Variants in MYT1L observed in about 807,000 individuals in gnomAD.
The protein encoded by MYT1L is myelin transcription factor 1-like protein.
MYT1L carries 12 observed loss-of-function variants against 126.7 expected under a neutral mutation model. That is an observed-to-expected ratio of 0.09 (90% confidence interval 0.06 to 0.15). The LOEUF (loss-of-function observed/expected upper bound fraction) is 0.15. Ranked by LOEUF, MYT1L falls within the 10% of genes least tolerant of loss-of-function variation. The probability of loss-of-function intolerance (pLI) is 1.00; values close to 1 mark genes in which losing one functional copy is unlikely to be tolerated. For synonymous variants in MYT1L, 541 were observed against 604.2 expected (o/e 0.90, Z 1.53); for missense variants, 979 against 1,585.2 (o/e 0.62, Z 6.49).
chr2:2,151,458 C>T (rs143010959), intron 3 of MYT1L, among the ~76,000 whole-genome samples: 20 of 151,888 alleles, frequency 1.3e-4, no homozygotes, highest in African/African-American at 4.3e-4. Context: ...TGTTCACAGA[C>T]GTTAGGGGCC....
chr2:1,810,130 T>G (rs1314958132), intron 21 of MYT1L: 4 of 13,910 alleles, frequency 2.9e-4, no homozygotes, highest in Non-Finnish European at 5.1e-4. Context: ...TATATAACGC[T>G]TTTTTTTTTT....
intron 3 of MYT1L, among the ~76,000 whole-genome samples, chr2:2,150,340 A>AT (rs1389642680): frequency 6.6e-6 from 1 of 152,190 alleles, no homozygotes; most frequent in Non-Finnish European, 1.5e-5. Flanking sequence ...TTTCATCTTG[A>AT]TTTTTTGAGA....
chr2:2,313,534 A>C (rs562926061), intron 1 of MYT1L, among the ~76,000 whole-genome samples: 2 of 152,132 alleles, frequency 1.3e-5, no homozygotes, highest in East Asian at 3.9e-4. Flanking sequence ...TTTTAATGGA[A>C]ATGGTATAAG....
At chr2:1,966,852 T>C (rs532471762) in intron 8 of MYT1L, among the ~76,000 whole-genome samples, 10 of 151,938 alleles carry the variant, frequency 6.6e-5, no homozygotes, top group African/African-American at 2.4e-4. Flanking sequence ...AGAGCAAAAC[T>C]GTCTTAAAAA....
At chr2:1,992,641 C>T (rs546568978) in intron 5 of MYT1L, among the ~76,000 whole-genome samples, 1 of 152,346 alleles carries the variant, frequency 6.6e-6, no homozygotes, top group East Asian at 1.9e-4. Flanking sequence ...CTCCATCTTG[C>T]TTTTAACATC....
chr2:2,059,576 C>T lies in MYT1L; in HGVS notation c.-303-5453G>A, dbSNP rs746411512. Reference sequence around the variant, plus strand: ...CACAGTCCCTGCCAAAGGCCTTGCACCAAAGCACAAACGGACGCAGGACTG... The same window carrying T: ...CACAGTCCCTGCCAAAGGCCTTGCATCAAAGCACAAACGGACGCAGGACTG... On this transcript the variant is annotated intron_variant, in intron 3 of 24. Transcript: ENST00000647738. This position sits in a 1 kb window ranked among gnomAD's most constrained non-coding sequence, Gnocchi z 4.7. Among the ~76,000 whole-genome samples the T allele has an allele frequency of 1.5e-4, 23 of 152,168 alleles. No individual in the cohort carries two copies. Among genetic ancestry groups the T allele is most frequent in the Non-Finnish European group, 3.1e-4 (21 of 68,032 alleles).
chr2:2,210,350 GC>G (rs1256232060), intron 2 of MYT1L, among the ~76,000 whole-genome samples: 12 of 152,114 alleles, frequency 7.9e-5, no homozygotes, highest in African/African-American at 2.9e-4. Flanking sequence ...TTTCCCCAAT[GC>G]TTTCTTGTAG....
chr2:1,923,843 A>T (rs2053882934), intron 9 of MYT1L, among the ~76,000 whole-genome samples: 1 of 152,260 alleles, frequency 6.6e-6, no homozygotes, highest in Admixed American at 6.5e-5. Flanking sequence ...GTTGGGGCTG[A>T]ATTAAGAGTT....
In MYT1L at chr2:1,791,705, A is replaced by G. The variant is rs1351071470; in HGVS notation, c.*162T>C. ...TGTATTCAAAAACTATTCTGCAGGT[A>G]CTATCTTTAAAGCAAGACATAAAAT... On this transcript the variant is annotated 3_prime_UTR_variant, in exon 25 of 25. Transcript: ENST00000647738. This position sits in a 1 kb window ranked among gnomAD's most constrained non-coding sequence, Gnocchi z 6.0. The G allele has an allele frequency of 3.0e-6, 2 of 667,186 alleles. No individual in the cohort carries two copies. Among genetic ancestry groups the G allele is most frequent in the Non-Finnish European group, 4.7e-6 (2 of 421,446 alleles). The allele number at this position is 667,186 out of a possible 1,614,324, so 41.3% of individuals were successfully genotyped here. A position where few individuals can be genotyped will look rare whatever the true frequency, so the allele number is the denominator to read the frequency against.
chr2:1,900,590 C>T (rs536025625), intron 14 of MYT1L, among the ~76,000 whole-genome samples: 17 of 152,226 alleles, frequency 1.1e-4, no homozygotes, highest in African/African-American at 2.6e-4. Context: ...TGAGCCCCCT[C>T]GCCCGGCCAG....
chr2:2,098,420 A>G (rs1471875294), intron 3 of MYT1L, among the ~76,000 whole-genome samples: 1 of 152,254 alleles, frequency 6.6e-6, no homozygotes, highest in Non-Finnish European at 1.5e-5. Flanking sequence ...ATGTTCAACA[A>G]ACTAACTTAA....
chr2:1,989,004 C>T (rs752103113), intron 5 of MYT1L, among the ~76,000 whole-genome samples: 5 of 152,066 alleles, frequency 3.3e-5, no homozygotes, highest in Admixed American at 1.3e-4. Flanking sequence ...CTGTTGATTA[C>T]CTTCTCATAA....
intron 2 of MYT1L, among the ~76,000 whole-genome samples, chr2:2,247,092 G>C (rs2094549256): frequency 1.3e-5 from 2 of 152,130 alleles, no homozygotes; most frequent in Admixed American, 1.3e-4. Flanking sequence ...AAAAGATAGA[G>C]AGTGGCTGAA....
intron 3 of MYT1L, among the ~76,000 whole-genome samples, chr2:2,126,530 A>G (rs571653467): frequency 1.3e-5 from 2 of 152,292 alleles, no homozygotes; most frequent in South Asian, 4.1e-4. Context: ...TAGGGTGGGT[A>G]GGGATTGGCG....
intron 3 of MYT1L, among the ~76,000 whole-genome samples, chr2:2,054,602 CAA>C (rs2069251240): frequency 1.3e-5 from 2 of 151,822 alleles, no homozygotes; most frequent in African/African-American, 2.4e-5. Flanking sequence ...AGATGAGACA[CAA>C]GAGATGATAA....
intron 18 of MYT1L, among the ~76,000 whole-genome samples, chr2:1,865,190 C>T (rs1191028822): frequency 1.3e-5 from 2 of 152,132 alleles, no homozygotes; most frequent in African/African-American, 4.8e-5. Context: ...GTGGACTCAG[C>T]GCCTGCTTTG....
chr2:2,048,262 T>C (rs1433300207), intron 4 of MYT1L, among the ~76,000 whole-genome samples: 1 of 152,160 alleles, frequency 6.6e-6, no homozygotes, highest in African/African-American at 2.4e-5. Flanking sequence ...ATAAAACTTA[T>C]AAAAGAATTC....
intron 3 of MYT1L, among the ~76,000 whole-genome samples, chr2:2,098,315 C>CT (rs1327697473): frequency 6.6e-6 from 1 of 152,142 alleles, no homozygotes; most frequent in African/African-American, 2.4e-5. Context: ...ATAATTTATG[C>CT]TTTTTAAAGG....
At position 2,107,320 on chromosome 2, in the gene MYT1L, G is replaced by A. The variant is rs2078870853; in HGVS notation, c.-303-53197C>T. The stretch of plus-strand genomic sequence containing the variant: ...CACTTGCCAAACCTGGCCCACAGCC[G>A]ACCTTTGTGAATAAGTTTTATTGGA... On this transcript the variant is annotated intron_variant, in intron 3 of 24. Transcript: ENST00000647738. Among the ~76,000 whole-genome samples the A allele has an allele frequency of 2.0e-5, 3 of 152,296 alleles. No individual in the cohort carries two copies. In the South Asian group the frequency reaches 6.2e-4, roughly 32 times the overall value.
Sources: gnomAD v4.1 joint callset for allele counts (sites outside exome capture counted in the v4.1 genomes callset) on GRCh38, gnomAD v4.1.1 for gene constraint, Gnocchi (gnomAD v3.1) non-coding constraint, MANE v1.5 for transcripts, NCBI Gene and HGNC (gene_info 2026-07-23, HGNC 2026-07-21) for gene names.